PCDHGA2: variants seen among roughly 807,000 people sequenced by gnomAD.
The protein encoded by PCDHGA2 is protocadherin gamma-A2.
A neutral mutation model predicts 59.2 loss-of-function variants in PCDHGA2; 40 were observed. That is an observed-to-expected ratio of 0.68 (90% confidence interval 0.52 to 0.88). The LOEUF (loss-of-function observed/expected upper bound fraction) is 0.88. Ranked by LOEUF, PCDHGA2 falls within the 40% of genes least tolerant of loss-of-function variation. The pLI, the probability that PCDHGA2 is intolerant of heterozygous loss-of-function variation, is 0.00. For synonymous variants in PCDHGA2, 560 were observed against 526.0 expected, an observed-to-expected ratio of 1.06 and a Z score of -0.89; for missense variants, 1,226 against 1,204.0, an observed-to-expected ratio of 1.02 and a Z score of -0.27.
chr5:141,430,882 A>G, intron 1 of PCDHGA2: 3 of 1,601,068 alleles, frequency 1.9e-6, no homozygotes, highest in Non-Finnish European at 2.6e-6. Context: ...AGCTGGAGAA[A>G]GGCTCTAGGG....
chr5:141,382,946 T>C (rs1415736753), intron 1 of PCDHGA2: 27 of 1,598,228 alleles, frequency 1.7e-5, no homozygotes, highest in Non-Finnish European at 2.3e-5. Flanking sequence ...TTCTTCCTGC[T>C]CTCCATCCTC....
chr5:141,506,246 C>T (rs1049014492), intron 3 of PCDHGA2, among the ~76,000 whole-genome samples: 3 of 151,958 alleles, frequency 2.0e-5, no homozygotes, highest in South Asian at 4.2e-4. Context: ...GTCAGGAGTT[C>T]GAAACCGGCC....
chr5:141,345,029 G>A, intron 1 of PCDHGA2: 1 of 1,613,954 alleles, frequency 6.2e-7, no homozygotes, highest in Non-Finnish European at 8.5e-7. Context: ...CAAGAGCCAA[G>A]ATTCTAGTCA....
intron 1 of PCDHGA2, chr5:141,405,058 T>C (rs1174407561): frequency 1.2e-6 from 2 of 1,613,912 alleles, no homozygotes; most frequent in East Asian, 2.2e-5. Flanking sequence ...TCGTCTCCTG[T>C]GTCTTCCTCA....
chr5:141,432,276 C>G lies in PCDHGA2; in HGVS notation c.2425-62531C>G, dbSNP rs747589363. ...GGGGCAAGCCTATCGTCCTACGTGT[C>G]CATCAACTCCGACACTGGGGTACTG... On this transcript the variant is annotated intron_variant, in intron 1 of 3. Transcript: ENST00000394576. The surrounding 1 kb of genome is among the most constrained non-coding windows in gnomAD (Gnocchi z 6.0). 6.2e-7 allele frequency: 1 copy of G among 1,614,236 alleles called. No homozygotes were observed. Among genetic ancestry groups the G allele is most frequent in the Non-Finnish European group, 8.5e-7 (1 of 1,180,044 alleles).
At position 141,477,910 on chromosome 5, in the gene PCDHGA2, G is replaced by C. The variant is rs766164142; in HGVS notation, c.2425-16897G>C. ...TGTCACGGGTGGTAGGCTGGGACGC[G>C]GATGCAGGGCACAATGCCTGGCTCT... On this transcript the variant is annotated intron_variant, in intron 1 of 3. Coordinates refer to ENST00000394576, the MANE Select transcript of PCDHGA2 (RefSeq NM_018915.4). This position sits in a 1 kb window ranked among gnomAD's most constrained non-coding sequence, Gnocchi z 4.9. 3 of 1,614,168 alleles carry C rather than the reference G, an allele frequency of 1.9e-6. No homozygotes were observed. Among genetic ancestry groups the C allele is most frequent in the Non-Finnish European group, 2.5e-6 (3 of 1,180,032 alleles).
intron 1 of PCDHGA2, chr5:141,364,694 G>C (rs1404182809): frequency 4.3e-6 from 7 of 1,613,976 alleles, no homozygotes; most frequent in Non-Finnish European, 5.1e-6. Flanking sequence ...AGTAGAAGTA[G>C]AAATAATCGA....
chr5:141,361,015 T>C (rs374836690), intron 1 of PCDHGA2: 72 of 1,613,142 alleles, frequency 4.5e-5, no homozygotes, highest in Non-Finnish European at 6.0e-5. Flanking sequence ...CTTTTTCAAC[T>C]TAAATGAAAA....
chr5:141,355,745 T>C, intron 1 of PCDHGA2: 10 of 1,614,006 alleles, frequency 6.2e-6, no homozygotes, highest in Non-Finnish European at 8.5e-6. Context: ...TCCCTGGACG[T>C]GCAAAGTGGG....
chr5:141,491,537 C>T lies in PCDHGA2; in HGVS notation c.2425-3270C>T, dbSNP rs1330469043. The T allele has an allele frequency of 3.1e-6, 5 of 1,613,908 alleles. No homozygotes were observed. The highest frequency in any genetic ancestry group is 4.2e-6 in the Non-Finnish European group (5 of 1,180,020). On this transcript the variant is annotated intron_variant, in intron 1 of 3. Transcript: ENST00000394576. This position sits in a 1 kb window ranked among gnomAD's most constrained non-coding sequence, Gnocchi z 6.9. ...AAGTACATGGAGGTGACGCTGCGGC[C>T]CACAGACTCGCAGAGCCACTGCTAC...
In PCDHGA2 at chr5:141,375,141, G is replaced by A. The variant is rs745587842; in HGVS notation, c.2424+33746G>A. Reference sequence around the variant, plus strand: ...CCAGAAGTGGTTGTTACATCTGGAAGCAGAACAATTGCTGAAAGTGCACCT... The same window carrying A: ...CCAGAAGTGGTTGTTACATCTGGAAACAGAACAATTGCTGAAAGTGCACCT... On this transcript the variant is annotated intron_variant, in intron 1 of 3. Transcript: ENST00000394576. The A allele has an allele frequency of 1.9e-6, 3 of 1,613,962 alleles. No individual in the cohort carries two copies. Among genetic ancestry groups the A allele is most frequent in the Admixed American group, 1.7e-5 (1 of 60,032 alleles).
intron 1 of PCDHGA2, chr5:141,370,508 C>A: frequency 6.2e-7 from 1 of 1,613,908 alleles, no homozygotes. Context: ...ACGCTATTCC[C>A]GAGGAGCTGG....
At chr5:141,393,102 G>C (rs768432261) in intron 1 of PCDHGA2, 2 of 1,613,568 alleles carry the variant, frequency 1.2e-6, no homozygotes, top group Non-Finnish European at 1.7e-6. Context: ...GGAGCTCTGC[G>C]CTCAGAGCCC....
chr5:141,375,335 T>C, intron 1 of PCDHGA2: 2 of 1,613,812 alleles, frequency 1.2e-6, no homozygotes, highest in Non-Finnish European at 1.7e-6. Flanking sequence ...GGTATTCTTG[T>C]ACAACATCAC....
At position 141,366,076 on chromosome 5, in the gene PCDHGA2, A is replaced by G. The variant is rs774100476; in HGVS notation, c.2424+24681A>G. The G allele has an allele frequency of 7.4e-6, 12 of 1,614,128 alleles. No individual in the cohort carries two copies. In the East Asian group the frequency reaches 2.2e-4, roughly 30 times the overall value. The stretch of plus-strand genomic sequence containing the variant: ...GCGTGGAGCTGGCGCCTCGCTCCGC[A>G]GAACCTGGCTACCTGGTGACCAAGG... On this transcript the variant is annotated intron_variant, in intron 1 of 3. Coordinates refer to ENST00000394576, the MANE Select transcript of PCDHGA2 (RefSeq NM_018915.4).
Position 141,361,197 on chromosome 5 carries a change from T to C in PCDHGA2, c.2424+19802T>C, listed in dbSNP as rs750965424. 2.5e-6 allele frequency: 4 copies of C among 1,613,872 alleles called. No individual in the cohort carries two copies. In the Admixed American group the frequency reaches 6.7e-5, roughly 27 times the overall value. Reference sequence around the variant, plus strand: ...AAGTTATTGTGACTTCAGTATCTACTCCCCTACCGGAGGATTCGCCACCAG... The same window carrying C: ...AAGTTATTGTGACTTCAGTATCTACCCCCCTACCGGAGGATTCGCCACCAG... On this transcript the variant is annotated intron_variant, in intron 1 of 3. Transcript: ENST00000394576.
At chr5:141,419,299 C>T in intron 1 of PCDHGA2, 12 of 1,614,048 alleles carry the variant, frequency 7.4e-6, no homozygotes, top group Non-Finnish European at 1.0e-5. Flanking sequence ...CTGACCCAGA[C>T]TTCGGGCTCA....
intron 1 of PCDHGA2, chr5:141,417,651 A>C: frequency 1.2e-6 from 1 of 822,038 alleles, no homozygotes; most frequent in African/African-American, 1.7e-5. Context: ...CTCAGCCTCT[A>C]GCCTGGGATT....
At chr5:141,488,439 C>G (rs2099675441) in intron 1 of PCDHGA2, among the ~76,000 whole-genome samples, 1 of 152,206 alleles carries the variant, frequency 6.6e-6, no homozygotes, top group African/African-American at 2.4e-5. Context: ...TCTGACCACC[C>G]TCCTGGGTGA....
Sources: allele counts gnomAD v4.1 joint callset (sites outside exome capture counted in the v4.1 genomes callset), GRCh38; gene constraint gnomAD v4.1.1; non-coding constraint Gnocchi (gnomAD v3.1); transcripts MANE v1.5; gene names NCBI Gene and HGNC (gene_info 2026-07-23, HGNC 2026-07-21).